Variants in NODAL observed in about 807,000 individuals in gnomAD.
The protein encoded by NODAL is nodal growth differentiation factor, also known as nodal homolog.
NODAL carries 12 observed loss-of-function variants against 34.0 expected under a neutral mutation model. The ratio of observed to expected loss-of-function variants is 0.35; its 90% confidence interval spans 0.23 to 0.57. The LOEUF (loss-of-function observed/expected upper bound fraction) is 0.57. NODAL is among the 20% of genes least tolerant of loss of function. The pLI, the probability that NODAL is intolerant of heterozygous loss-of-function variation, is 0.83. For missense variants in NODAL, 390 were observed against 444.2 expected, an observed-to-expected ratio of 0.88 and a Z score of 1.10; for synonymous variants, 162 against 186.4, an observed-to-expected ratio of 0.87 and a Z score of 1.07.
intron 1 of NODAL, 42 bp from the exon 2 acceptor site, chr10:70,436,025 G>T: frequency 6.6e-7 from 1 of 1,513,468 alleles, no homozygotes; most frequent in Non-Finnish European, 9.2e-7. Flanking sequence ...GTGAGTGAGG[G>T]CCTCCCCCAG....
chr10:70,441,725 A>G, upstream of NODAL: 1 of 1,514,286 alleles, frequency 6.6e-7, no homozygotes, highest in Admixed American at 2.0e-5. Context: ...GGGCCTCAGC[A>G]GCCGCCCCGC....
chr10:70,435,529 G>A lies in NODAL; in HGVS notation c.648C>T (p.Ala216=), dbSNP rs200530566. The part of the protein sequence containing the change: ...QLGGSTLLWE[A]ESSWRAQEGQ... The stretch of plus-strand genomic sequence containing the variant: ...CCTCCTGGGCCCGCCAGGAGCTCTC[G>A]GCTTCCCACAGCAAGGTGGACCCAC... Residue 216 remains alanine, a synonymous_variant, in exon 2 of 3, where the codon GCC becomes GCT. Coordinates refer to ENST00000287139, the MANE Select transcript of NODAL (RefSeq NM_018055.5). 64 of 1,614,024 alleles carry A rather than the reference G, an allele frequency of 4.0e-5. No homozygotes were observed. The East Asian group carries it at 6.0e-4, about 15-fold the overall frequency.
rs1398227747 is a variant in NODAL, at chr10:70,435,749, T to C, written c.428A>G (p.Gln143Arg). 1 of 1,614,070 alleles carries C rather than the reference T, an allele frequency of 6.2e-7. No individual in the cohort carries two copies. Among genetic ancestry groups the C allele is most frequent in the Non-Finnish European group, 8.5e-7 (1 of 1,180,040 alleles). The change falls in exon 2 of 3, where the codon CAG (glutamine) becomes CGG (arginine). Residue 143 changes from glutamine to arginine, a missense_variant. Transcript: ENST00000287139. ...QMDLFTVTLS[Q>R]VTFSLGSMVL... ...CATGCTGCCCAAGGAAAAGGTGACC[T>C]GGGACAAAGTGACAGTGAATAGGTC...
intron 2 of NODAL, 72 bp from the exon 3 acceptor site, chr10:70,433,160 A>G (rs1845292211): frequency 6.3e-7 from 1 of 1,579,210 alleles, no homozygotes. Context: ...CTGGGTAAAG[A>G]GTAAAAAAGT....
At chr10:70,438,452 C>T (rs571908846) in intron 1 of NODAL, among the ~76,000 whole-genome samples, 82 of 152,282 alleles carry the variant, frequency 5.4e-4, no homozygotes, top group African/African-American at 1.9e-3. Flanking sequence ...CCTCAGTTTC[C>T]CTCTCTGTAA....
chr10:70,446,152 C>T (rs1845485205), upstream of NODAL, among the ~76,000 whole-genome samples: 1 of 152,194 alleles, frequency 6.6e-6, no homozygotes, highest in Admixed American at 6.5e-5. Flanking sequence ...ATGACACCTT[C>T]TCGTTTCCTC....
At chr10:70,441,451 G>GGC (rs752045697) in intron 1 of NODAL, 24 bp downstream of exon 1, 1 of 1,557,578 alleles carries the variant, frequency 6.4e-7, no homozygotes, top group Admixed American at 1.9e-5. Flanking sequence ...TGCCCAGCAG[G>GGC]GCGCGGCACG....
At chr10:70,444,254 A>C (rs1350401067), upstream of NODAL, among the ~76,000 whole-genome samples, 2 of 151,608 alleles carry the variant, frequency 1.3e-5, no homozygotes, top group Non-Finnish European at 2.9e-5. Flanking sequence ...TCTCAAGTCC[A>C]GACCCAGACC....
chr10:70,434,496 G>A (rs1180232757), intron 2 of NODAL, among the ~76,000 whole-genome samples: 2 of 152,208 alleles, frequency 1.3e-5, no homozygotes, highest in Admixed American at 1.3e-4. Context: ...CCGAGTAGCT[G>A]GGATTACAGG....
In NODAL at chr10:70,440,428, G is replaced by C. The variant is rs923644339; in HGVS notation, c.193+1047C>G. Among the ~76,000 whole-genome samples, 11 of 152,222 alleles carry C rather than the reference G, an allele frequency of 7.2e-5. 1 individual carries two copies. The highest frequency in any genetic ancestry group is 7.2e-4 in the Admixed American group (11 of 15,292). ...ACCCTTCCGGAGAGGGTCACCGGCT[G>C]TCTGACCCCAGGCGCGGGAGCGAAG... is the stretch of plus-strand genomic sequence containing the variant. On this transcript the variant is annotated intron_variant, in intron 1 of 2. Transcript: ENST00000287139.
chr10:70,440,570 C>G (rs1373243945), intron 1 of NODAL, among the ~76,000 whole-genome samples: 1 of 152,142 alleles, frequency 6.6e-6, no homozygotes, highest in East Asian at 1.9e-4. Flanking sequence ...CGGAGGGAGG[C>G]GTGGGCGGCC....
At position 70,432,880 on chromosome 10, in the gene NODAL, A is replaced by G. The variant is rs1225762951; in HGVS notation, c.*56T>C. On this transcript the variant is annotated 3_prime_UTR_variant, in exon 3 of 3. Transcript: ENST00000287139. ...GGATTAGATGGTTATCATGTCTTCC[A>G]GGAGTTTCCCAGCCTTCCAGAGTGC... is the stretch of plus-strand genomic sequence containing the variant. The G allele has an allele frequency of 1.3e-5, 20 of 1,599,186 alleles. No homozygotes were observed. The highest frequency in any genetic ancestry group is 1.7e-4 in the Middle Eastern group (1 of 6,010).
intron 2 of NODAL, chr10:70,435,073 G>A (rs903193132): frequency 2.2e-5 from 13 of 584,590 alleles, no homozygotes; most frequent in African/African-American, 1.1e-4. Flanking sequence ...ATGTGTTCAA[G>A]GCTACCCAGT....
intron 2 of NODAL, 24 bp from the exon 3 acceptor site, chr10:70,433,112 T>C: frequency 6.2e-7 from 1 of 1,613,106 alleles, no homozygotes; most frequent in Non-Finnish European, 8.5e-7. Context: ...GAAGGGTGTG[T>C]CAATTCACAT....
chr10:70,444,559 T>C (rs1359019858), upstream of NODAL, among the ~76,000 whole-genome samples: 1 of 151,606 alleles, frequency 6.6e-6, no homozygotes, highest in Non-Finnish European at 1.5e-5. Context: ...GGTCTCGAAC[T>C]CCTGACCTCG....
At chr10:70,439,599 T>A (rs749563900) in intron 1 of NODAL, among the ~76,000 whole-genome samples, 2 of 152,174 alleles carry the variant, frequency 1.3e-5, no homozygotes, top group Non-Finnish European at 2.9e-5. Flanking sequence ...GTAAACCCAA[T>A]TGGACTCCAA....
rs1203211297 is a variant in NODAL, at chr10:70,435,681, G to C, written c.496C>G (p.Pro166Ala). The C allele has an allele frequency of 1.9e-6, 3 of 1,613,938 alleles. No individual in the cohort carries two copies. Among genetic ancestry groups the C allele is most frequent in the East Asian group, 4.5e-5 (2 of 44,892 alleles). ...TRPLSKWLKH[P>A]GALEKQMSRV... Reference sequence around the variant, plus strand: ...GACATCTGCTTCTCCAGGGCCCCAGGGTGCTTCAGCCACTTGGAGAGAGGC... The same window carrying C: ...GACATCTGCTTCTCCAGGGCCCCAGCGTGCTTCAGCCACTTGGAGAGAGGC... The change falls in exon 2 of 3, where the codon CCT becomes GCT. Residue 166 changes from proline to alanine, a missense_variant. Coordinates refer to ENST00000287139, the MANE Select transcript of NODAL (RefSeq NM_018055.5).
chr10:70,435,795 AGCTG>A lies in NODAL; in HGVS notation c.378_381del (p.Ser127AlafsTer2). On this transcript the variant is annotated frameshift_variant, in exon 2 of 3. Transcript: ENST00000287139. LOFTEE classifies it high-confidence loss of function. ...AGGTCCATCTGAAACCGCTCTAAGC[AGCTG>A]TCTGAAGCCTGCTCTGTGTCGGGCT... 1 of 1,614,172 alleles carries A rather than the reference AGCTG, an allele frequency of 6.2e-7. No individual in the cohort carries two copies. The highest frequency in any genetic ancestry group is 8.5e-7 in the Non-Finnish European group (1 of 1,180,050).
chr10:70,446,321 A>G (rs559569948), upstream of NODAL, among the ~76,000 whole-genome samples: 2 of 152,240 alleles, frequency 1.3e-5, no homozygotes, highest in East Asian at 3.9e-4. Context: ...AATGTGTGAC[A>G]TGGTTAAGTG....
Sources: allele counts gnomAD v4.1 joint callset (sites outside exome capture counted in the v4.1 genomes callset), GRCh38; gene constraint gnomAD v4.1.1; transcripts MANE v1.5; gene names NCBI Gene and HGNC (gene_info 2026-07-23, HGNC 2026-07-21).